KANSL3: variants seen among roughly 807,000 people sequenced by gnomAD.
KANSL3 encodes the protein NSL complex protein NSL3.
Under a neutral mutation model 89.2 loss-of-function variants are expected in KANSL3, and 16 were observed. That is an observed-to-expected ratio of 0.18 (90% CI 0.12 to 0.27). KANSL3 has a LOEUF of 0.27. Ranked by LOEUF, KANSL3 falls within the 10% of genes least tolerant of loss-of-function variation. The pLI, the probability that KANSL3 is intolerant of heterozygous loss-of-function variation, is 1.00. For synonymous variants in KANSL3, 385 were observed against 419.7 expected, an observed-to-expected ratio of 0.92 and a Z score of 1.01; for missense variants, 879 against 1,110.6, an observed-to-expected ratio of 0.79 and a Z score of 2.96.
intron 3 of KANSL3, among the ~76,000 whole-genome samples, chr2:96,623,670 G>T (rs2071742171): frequency 6.6e-6 from 1 of 152,080 alleles, no homozygotes; most frequent in South Asian, 2.1e-4. Flanking sequence ...CCTACCTAGG[G>T]ACAAGGGTTC....
intron 6 of KANSL3, 44 bp from the exon 7 acceptor site, chr2:96,612,978 G>T: frequency 7.7e-7 from 1 of 1,306,796 alleles, no homozygotes. Context: ...AGTGAGAAGT[G>T]TCCTTTCATG....
At chr2:96,591,342 G>C (rs375320517), downstream of KANSL3, among the ~76,000 whole-genome samples, 2 of 152,288 alleles carry the variant, frequency 1.3e-5, no homozygotes, top group African/African-American at 4.8e-5. Context: ...TGGGGAAGGA[G>C]ATGGATGCAA....
chr2:96,596,226 C>T (rs2066516504), intron 20 of KANSL3, among the ~76,000 whole-genome samples: 1 of 152,130 alleles, frequency 6.6e-6, no homozygotes, highest in African/African-American at 2.4e-5. Context: ...TCTAAATTTC[C>T]CCCTTGGGAA....
At chr2:96,620,040 T>A (rs1431490566) in intron 3 of KANSL3, among the ~76,000 whole-genome samples, 1 of 152,208 alleles carries the variant, frequency 6.6e-6, no homozygotes, top group Admixed American at 6.5e-5. Context: ...ATGAAAAAAG[T>A]CTTTCAGGCT....
chr2:96,585,019 G>A, the KANSL3 span, among the ~76,000 whole-genome samples: 24 of 152,266 alleles, frequency 1.6e-4, no homozygotes, highest in East Asian at 7.7e-4. Flanking sequence ...CAAACGCTGC[G>A]GTGGATGTGG....
chr2:96,620,916 C>T (rs1311409146), intron 3 of KANSL3, among the ~76,000 whole-genome samples: 1 of 151,980 alleles, frequency 6.6e-6, no homozygotes, highest in Non-Finnish European at 1.5e-5. Context: ...GTGGGAGAAT[C>T]GCTTGAGCCC....
At chr2:96,598,007 G>A (rs2066702334) in intron 20 of KANSL3, 1 of 637,928 alleles carries the variant, frequency 1.6e-6, no homozygotes, top group Non-Finnish European at 2.0e-6. Context: ...AGAAAAGGGG[G>A]ATTCTCAATG....
At chr2:96,599,672 G>A (rs1482667075) in intron 20 of KANSL3, 1 of 493,952 alleles carries the variant, frequency 2.0e-6, no homozygotes, top group African/African-American at 2.1e-5. Context: ...TAACATATAT[G>A]TAATTTGTGT....
intron 3 of KANSL3, among the ~76,000 whole-genome samples, chr2:96,625,103 G>T (rs2072055874): frequency 1.3e-5 from 2 of 152,036 alleles, no homozygotes; most frequent in South Asian, 4.2e-4. Context: ...CCAGCTACTC[G>T]GGAGGCTGAG....
chr2:96,605,105 A>G (rs2067783141), intron 15 of KANSL3, among the ~76,000 whole-genome samples: 1 of 152,238 alleles, frequency 6.6e-6, no homozygotes, highest in Non-Finnish European at 1.5e-5. Flanking sequence ...GATGCTTTGA[A>G]CGATGGCACA....
intron 1 of KANSL3, chr2:96,637,842 C>A (rs1387245612): frequency 1.3e-5 from 2 of 152,366 alleles, no homozygotes; most frequent in Non-Finnish European, 2.9e-5. Context: ...CACCCTCACC[C>A]CCAGTGAGGC....
intron 14 of KANSL3, chr2:96,606,945 G>A (rs1482461336): frequency 2.4e-6 from 3 of 1,235,648 alleles, no homozygotes; most frequent in Non-Finnish European, 3.2e-6. Flanking sequence ...TAGTGGACGA[G>A]CAGGCAAGAA....
chr2:96,600,747 T>A (rs2067061042), intron 20 of KANSL3: 1 of 985,254 alleles, frequency 1.0e-6, no homozygotes, highest in Admixed American at 6.1e-5. Context: ...CTTGAAAAGG[T>A]CACAGGGGAA....
intron 3 of KANSL3, among the ~76,000 whole-genome samples, chr2:96,624,142 A>G (rs546044912): frequency 3.9e-5 from 6 of 152,226 alleles, no homozygotes; most frequent in Admixed American, 1.3e-4. Flanking sequence ...GGGACTCAGG[A>G]TGCCTTGGAA....
Position 96,604,762 on chromosome 2 carries a change from G to T in KANSL3, c.2018+17C>A. ...GGGAAAAAAGGAATAGACACAGATG[G>T]TCCAATAAACACTCACTTGGCTGTG... On this transcript the variant is annotated intron_variant, in intron 16 of 20. Transcript: ENST00000431828. 2 of 1,572,246 alleles carry T rather than the reference G, an allele frequency of 1.3e-6. No homozygotes were observed. The highest frequency in any genetic ancestry group is 1.7e-6 in the Non-Finnish European group (2 of 1,155,646).
chr2:96,599,477 T>C (rs2104923374), intron 20 of KANSL3, among the ~76,000 whole-genome samples: 1 of 152,364 alleles, frequency 6.6e-6, no homozygotes, highest in South Asian at 2.1e-4. Context: ...TACTTTTATA[T>C]TCTTGTGATA....
At chr2:96,635,151 C>T (rs1219510087) in intron 2 of KANSL3, among the ~76,000 whole-genome samples, 1 of 152,202 alleles carries the variant, frequency 6.6e-6, no homozygotes, top group Non-Finnish European at 1.5e-5. Context: ...CTATAATATA[C>T]TCAACAAAAA....
Position 96,604,372 on chromosome 2 carries a change from G to T in KANSL3, c.2027C>A (p.Ser676Tyr). Residue 676 changes from serine (S) to tyrosine (Y), a missense_variant, in exon 17 of 21, where the codon TCT (serine) becomes TAT (tyrosine). Physicochemically the swap from Ser to Tyr is moderately radical, Grantham distance 144. Transcript: ENST00000431828. ...TGLLTTAKSS[S>Y]SEGGVSASPV... is the part of the protein sequence containing the mutation. ...GCTGGCTGAGACTCCACCTTCAGAA[G>T]AACTGGACCTGGAGACAAAGGAAGG... 6.2e-7 allele frequency: 1 copy of T among 1,611,342 alleles called. No individual in the cohort carries two copies. The highest frequency in any genetic ancestry group is 8.5e-7 in the Non-Finnish European group (1 of 1,179,786).
At chr2:96,637,306 C>G (rs2074376983) in intron 1 of KANSL3, 121 bp from the exon 2 acceptor site, 1 of 553,568 alleles carries the variant, frequency 1.8e-6, no homozygotes, top group African/African-American at 1.9e-5. Flanking sequence ...CATTTCACGG[C>G]AGACCTCTGG....
Sources: allele counts gnomAD v4.1 joint callset (sites outside exome capture counted in the v4.1 genomes callset), GRCh38; gene constraint gnomAD v4.1.1; transcripts MANE v1.5; gene names NCBI Gene and HGNC (gene_info 2026-07-23, HGNC 2026-07-21).